TMC6: variants seen among roughly 807,000 people sequenced by gnomAD.
The protein encoded by TMC6 is transmembrane channel-like protein 6.
TMC6 carries 71 observed loss-of-function variants against 95.4 expected under a neutral mutation model. The observed-to-expected ratio is 0.74, with a 90% CI of 0.61 to 0.91. The LOEUF (loss-of-function observed/expected upper bound fraction) is 0.91, where lower values mean the gene tolerates loss of function less well. Among genes scored for constraint, TMC6 ranks in the 40% least tolerant of loss-of-function variants. The pLI is 0.00. For missense variants in TMC6, 1,074 were observed against 1,079.1 expected (o/e 1.00, Z 0.07); for synonymous variants, 514 against 483.1 (o/e 1.06, Z -0.84).
rs2613520 is a variant in TMC6, at chr17:78,121,489, G to C, written c.1383+67C>G. ...AGGAGAGGCAAGGCTGCCTCCCCAG[G>C]GGGCAGGTGCCCAGAGTCACTGGGG... On this transcript the variant is annotated intron_variant, in intron 11 of 19. Transcript: ENST00000590602. This position sits in a 1 kb window ranked among gnomAD's most constrained non-coding sequence, Gnocchi z 5.6. 0.2 allele frequency: 323,772 copies of C among 1,605,008 alleles called. 33,506 individuals carry two copies. The highest frequency in any genetic ancestry group is 0.26 in the Admixed American group (15,317 of 59,218).
chr17:78,127,091 G>A (rs1369272591), intron 1 of TMC6, 185 bp from the exon 2 acceptor site: 2 of 594,864 alleles, frequency 3.4e-6, no homozygotes, highest in African/African-American at 1.9e-5. Context: ...ATGGAATGGG[G>A]GGCCCCCTCC....
Position 78,122,688 on chromosome 17 carries a change from T to C in TMC6, c.1144A>G (p.Thr382Ala), listed in dbSNP as rs1281821947. ...TTGTAGTCCCAGGAGCAGAAGACGGTGATGGCGTGGATGCCAGAGGTGCTG... is the reference window on the plus strand; with the variant it reads ...TTGTAGTCCCAGGAGCAGAAGACGGCGATGGCGTGGATGCCAGAGGTGCTG... ...VGSTSGIHAI[T>A]VFCSWDYKVT... Residue 382 changes from threonine (T) to alanine (A), a missense_variant, in exon 10 of 20, where the codon ACC (threonine) becomes GCC (alanine). Coordinates refer to ENST00000590602, the MANE Select transcript of TMC6 (RefSeq NM_001127198.5). The surrounding 1 kb of genome is among the most constrained non-coding windows in gnomAD (Gnocchi z 4.9). 6.2e-7 allele frequency: 1 copy of C among 1,611,806 alleles called. No individual in the cohort carries two copies. The highest frequency in any genetic ancestry group is 8.5e-7 in the Non-Finnish European group (1 of 1,179,466).
intron 1 of TMC6, among the ~76,000 whole-genome samples, chr17:78,127,190 G>A (rs913461206): frequency 5.9e-5 from 9 of 152,212 alleles, no homozygotes; most frequent in South Asian, 2.1e-4. Context: ...CTGGGAAATG[G>A]GGAAGAGGTA....
At chr17:78,125,055 C>A in intron 6 of TMC6, 70 bp from the exon 7 acceptor site, 3 of 1,540,802 alleles carry the variant, frequency 1.9e-6, no homozygotes, top group Non-Finnish European at 2.6e-6. Context: ...TGGAGACCGG[C>A]CACCCACGGG....
In TMC6 at chr17:78,120,818, T is replaced by C; in HGVS notation, c.1550A>G (p.Lys517Arg). Residue 517 changes from lysine to arginine, a missense_variant, in exon 13 of 20, where the codon AAG becomes AGG. Coordinates refer to ENST00000590602, the MANE Select transcript of TMC6 (RefSeq NM_001127198.5). The part of the protein sequence containing the change: ...YVAICRNLIL[K>R]LAILGTLCYH... ...GCACAGTGTCCCCAGGATGGCCAGC[T>C]TGAGGATGAGGTTCCTGCGGAGGGC... 1 of 1,612,574 alleles carries C rather than the reference T, an allele frequency of 6.2e-7. No individual in the cohort carries two copies. Among genetic ancestry groups the C allele is most frequent in the South Asian group, 1.1e-5 (1 of 91,070 alleles).
chr17:78,113,283 A>G, intron 19 of TMC6, 72 bp from the exon 20 acceptor site: 2 of 1,501,722 alleles, frequency 1.3e-6, no homozygotes, highest in Non-Finnish European at 1.8e-6. Flanking sequence ...GGGCGCAGCC[A>G]AGGCCCGGCG....
Position 78,121,404 on chromosome 17 carries a change from C to T in TMC6, c.1383+152G>A, listed in dbSNP as rs1353881089. On this transcript the variant is annotated intron_variant, in intron 11 of 19. Coordinates refer to ENST00000590602, the MANE Select transcript of TMC6 (RefSeq NM_001127198.5). The surrounding 1 kb of genome is among the most constrained non-coding windows in gnomAD (Gnocchi z 5.6). Reference sequence around the variant, plus strand: ...GGACAAGGGGCTGAGAAGTGGGGCTCGGAGGGGGCCCCAGCACGGGGCACA... The same window carrying T: ...GGACAAGGGGCTGAGAAGTGGGGCTTGGAGGGGGCCCCAGCACGGGGCACA... 4.9e-6 allele frequency: 7 copies of T among 1,421,748 alleles called. No homozygotes were observed. Among genetic ancestry groups the T allele is most frequent in the African/African-American group, 2.8e-5 (2 of 70,348 alleles). The allele number at this position is 1,421,748 out of a possible 1,614,324, so 88.1% of individuals were successfully genotyped here.
In TMC6 at chr17:78,108,615, AGACTGGGAACTCGGGG is replaced by A. The variant is rs537520785; in HGVS notation, c.*4517_*4532del. ...CTGGGAGACCAGGTTGGATTTTGACAGACTGGGAACTCGGGGGACAGGAGGGCAGCACAGTGTAAGC... is the reference window on the plus strand; with the variant it reads ...CTGGGAGACCAGGTTGGATTTTGACAGACAGGAGGGCAGCACAGTGTAAGC... On this transcript the variant is annotated 3_prime_UTR_variant, in exon 20 of 20. Coordinates refer to ENST00000590602, the MANE Select transcript of TMC6 (RefSeq NM_001127198.5). 1.6e-4 allele frequency: 25 copies of A among 155,118 alleles called. No individual in the cohort carries two copies. The East Asian group carries it at 4.8e-3, about 30-fold the overall frequency. 9.6% of individuals were successfully genotyped at this position (155,118 alleles called of 1,614,324 possible). A position where few individuals can be genotyped will look rare whatever the true frequency, so the allele number is the denominator to read the frequency against.
At chr17:78,127,061 C>A in intron 1 of TMC6, 155 bp from the exon 2 acceptor site, 2 of 617,762 alleles carry the variant, frequency 3.2e-6, no homozygotes, top group South Asian at 3.8e-5. Context: ...GGTGAGGCAC[C>A]GAATAAGCCT....
At chr17:78,131,642 G>A (rs773629838), upstream of TMC6, 39 of 1,558,290 alleles carry the variant, frequency 2.5e-5, no homozygotes, top group Admixed American at 7.1e-4. Context: ...TGCCGGAGCC[G>A]GAGGAGCTGT....
At chr17:78,127,056 G>A (rs1313158930) in intron 1 of TMC6, 150 bp from the exon 2 acceptor site, 5 of 626,978 alleles carry the variant, frequency 8.0e-6, no homozygotes, top group Admixed American at 2.6e-5. Context: ...TAAATGGTGA[G>A]GCACCGAATA....
rs947844213 is a variant in TMC6 at position 78,121,183 on chromosome 17, C to T, written c.1384-19G>A. The T allele has an allele frequency of 1.0e-5, 16 of 1,568,926 alleles. No individual in the cohort carries two copies. The highest frequency in any genetic ancestry group is 2.4e-5 in the East Asian group (1 of 42,070). On this transcript the variant is annotated intron_variant, in intron 11 of 19. Coordinates refer to ENST00000590602, the MANE Select transcript of TMC6 (RefSeq NM_001127198.5). This position sits in a 1 kb window ranked among gnomAD's most constrained non-coding sequence, Gnocchi z 5.6. The stretch of plus-strand genomic sequence containing the variant: ...CTGGACTCTGCAGGGGTGCAGGGAG[C>T]GGTGTCATGGAAGCCCCCCATCCAT...
At chr17:78,128,954 C>G (rs1363480855), upstream of TMC6, among the ~76,000 whole-genome samples, 5 of 152,116 alleles carry the variant, frequency 3.3e-5, no homozygotes, top group Admixed American at 3.3e-4. This position sits in a 1 kb window ranked among gnomAD's most constrained non-coding sequence, Gnocchi z 4.0. Flanking sequence ...TTCATTCCAG[C>G]CCCTGGTTGA....
chr17:78,125,595 C>T, intron 5 of TMC6, 131 bp downstream of exon 5: 1 of 1,383,162 alleles, frequency 7.2e-7, no homozygotes, highest in Non-Finnish European at 9.7e-7. Flanking sequence ...GGCCTTCAGG[C>T]AGCCTGCTAA....
At chr17:78,120,614 G>A (rs752700395) in intron 13 of TMC6, 39 bp downstream of exon 13, 27 of 1,613,790 alleles carry the variant, frequency 1.7e-5, no homozygotes, top group Non-Finnish European at 2.1e-5. Flanking sequence ...CCACTAAGGG[G>A]AGAACACTCA....
upstream of TMC6, chr17:78,131,546 C>CA: frequency 6.5e-7 from 1 of 1,537,442 alleles, no homozygotes; most frequent in Non-Finnish European, 8.7e-7. Context: ...ATATCCCCCC[C>CA]ACCGGCAGCC....
At chr17:78,130,690 G>A (rs933800496), upstream of TMC6, 4 of 152,320 alleles carry the variant, frequency 2.6e-5, no homozygotes, top group African/African-American at 9.6e-5. Context: ...GTTTAAAGCA[G>A]AGGAAACCAT....
Position 78,122,555 on chromosome 17 carries a change from A to G in TMC6, c.1227+50T>C. Reference sequence around the variant, plus strand: ...CATGGTCCTAAGTGGACCCAGGGCCAGGCCTGCAGGGAGCTGGGCAGGCCA... The same window carrying G: ...CATGGTCCTAAGTGGACCCAGGGCCGGGCCTGCAGGGAGCTGGGCAGGCCA... On this transcript the variant is annotated intron_variant, in intron 10 of 19. Coordinates refer to ENST00000590602, the MANE Select transcript of TMC6 (RefSeq NM_001127198.5). This position sits in a 1 kb window ranked among gnomAD's most constrained non-coding sequence, Gnocchi z 4.9. The G allele has an allele frequency of 6.2e-7, 1 of 1,600,846 alleles. No homozygotes were observed. The highest frequency in any genetic ancestry group is 8.5e-7 in the Non-Finnish European group (1 of 1,179,240).
At position 78,121,695 on chromosome 17, in the gene TMC6, C is replaced by T; in HGVS notation, c.1244G>A (p.Trp415Ter). The stretch of plus-strand genomic sequence containing the variant: ...GCTCCTGGGGCTGTGCCGCAGCTGC[C>T]ACTCGGCCAGCAGCTCCTGCAGGCG... ...RTRLKELLAEWQLRHSPRSVC... is the reference protein window; with the variant it reads ...RTRLKELLAE The change falls in exon 11 of 20, where the codon TGG becomes TAG. Residue 415 changes from tryptophan to a stop codon, truncating the protein, a stop_gained. Transcript: ENST00000590602. LOFTEE classifies it high-confidence loss of function. This position sits in a 1 kb window ranked among gnomAD's most constrained non-coding sequence, Gnocchi z 5.6. 6.3e-7 allele frequency: 1 copy of T among 1,588,598 alleles called. No homozygotes were observed. Among genetic ancestry groups the T allele is most frequent in the South Asian group, 1.1e-5 (1 of 89,468 alleles).
Sources: gnomAD v4.1 joint callset for allele counts (sites outside exome capture counted in the v4.1 genomes callset) on GRCh38, gnomAD v4.1.1 for gene constraint, Gnocchi (gnomAD v3.1) non-coding constraint, MANE v1.5 for transcripts, NCBI Gene and HGNC (gene_info 2026-07-23, HGNC 2026-07-21) for gene names.